Variants in SLIT3 observed in about 807,000 individuals in gnomAD.
The protein encoded by SLIT3 is slit guidance ligand 3.
A neutral mutation model predicts 184.0 loss-of-function variants in SLIT3; 68 were observed. The observed-to-expected ratio is 0.37, with a 90% CI of 0.30 to 0.45. SLIT3 has a LOEUF of 0.45. Ranked by LOEUF, SLIT3 falls within the 20% of genes least tolerant of loss-of-function variation. The pLI is 1.00. For missense variants in SLIT3, 1,707 were observed against 2,026.0 expected (o/e 0.84, Z 3.02); for synonymous variants, 831 against 828.6 (o/e 1.00, Z -0.05).
intron 1 of SLIT3, among the ~76,000 whole-genome samples, chr5:169,298,394 T>C (rs1243919696): frequency 6.6e-6 from 1 of 152,140 alleles, no homozygotes; most frequent in African/African-American, 2.4e-5. Context: ...GGAAGATGAC[T>C]CGGTGGCATG....
At position 168,764,541 on chromosome 5, in the gene SLIT3, T is replaced by C. The variant is rs529252531; in HGVS notation, c.1460-1852A>G. Among the ~76,000 whole-genome samples the C allele has an allele frequency of 9.8e-4, 150 of 152,300 alleles. 1 individual carries two copies. The highest frequency in any genetic ancestry group is 6.9e-3 in the Admixed American group (106 of 15,302). Reference sequence around the variant, plus strand: ...GATTGAATGGGGTATTTTTCCATAGTGGGCTATGGTGGTGAAGGACGCAGA... The same window carrying C: ...GATTGAATGGGGTATTTTTCCATAGCGGGCTATGGTGGTGAAGGACGCAGA... On this transcript the variant is annotated intron_variant, in intron 14 of 35. Coordinates refer to ENST00000519560, the MANE Select transcript of SLIT3 (RefSeq NM_003062.4).
At chr5:168,907,967 T>TAG (rs1376618472) in intron 4 of SLIT3, among the ~76,000 whole-genome samples, 881 of 79,998 alleles carry the variant, frequency 0.011, 6 homozygotes, top group Non-Finnish European at 0.013. Context: ...TATATATATA[T>TAG]ATATATATAT....
intron 4 of SLIT3, among the ~76,000 whole-genome samples, chr5:169,108,746 C>T (rs796066629): frequency 9.8e-5 from 15 of 152,292 alleles, no homozygotes; most frequent in African/African-American, 3.4e-4. Flanking sequence ...CCACCTCCCC[C>T]TCATTGCACA....
Position 168,722,926 on chromosome 5 carries a change from T to A in SLIT3, c.2411+7A>T. On this transcript the variant is annotated splice_region_variant and intron_variant, in intron 22 of 35. Coordinates refer to ENST00000519560, the MANE Select transcript of SLIT3 (RefSeq NM_003062.4). ...GCATGGTAAACACAGCATCTCAGTGTACTCACAGAGTGGAGAGGTGAGACA... is the reference window on the plus strand; with the variant it reads ...GCATGGTAAACACAGCATCTCAGTGAACTCACAGAGTGGAGAGGTGAGACA... 1 of 1,605,176 alleles carries A rather than the reference T, an allele frequency of 6.2e-7. No individual in the cohort carries two copies. The highest frequency in any genetic ancestry group is 8.5e-7 in the Non-Finnish European group (1 of 1,171,740).
intron 3 of SLIT3, among the ~76,000 whole-genome samples, chr5:169,230,079 A>C (rs1455220023): frequency 6.6e-6 from 1 of 152,188 alleles, no homozygotes; most frequent in Non-Finnish European, 1.5e-5. Flanking sequence ...CTCAGTATAC[A>C]TGGCCCTACA....
intron 1 of SLIT3, among the ~76,000 whole-genome samples, chr5:169,275,754 C>G (rs184910097): frequency 9.9e-4 from 151 of 152,252 alleles, no homozygotes; most frequent in Non-Finnish European, 2.0e-3. Flanking sequence ...TCAATTACCT[C>G]CACCTGGGTC....
intron 4 of SLIT3, among the ~76,000 whole-genome samples, chr5:169,151,260 AGCCC>A (rs1355066217): frequency 1.3e-5 from 2 of 152,170 alleles, no homozygotes; most frequent in African/African-American, 4.8e-5. Context: ...CATCATTTGC[AGCCC>A]ATTGCCGCCT....
chr5:168,886,514 A>G (rs1168640978), intron 4 of SLIT3, among the ~76,000 whole-genome samples: 1 of 152,180 alleles, frequency 6.6e-6, no homozygotes, highest in African/African-American at 2.4e-5. Context: ...GATGCCCAAG[A>G]GCCTAGCGCT....
intron 23 of SLIT3, among the ~76,000 whole-genome samples, chr5:168,718,643 T>C (rs890288496): frequency 3.3e-5 from 5 of 150,670 alleles, no homozygotes; most frequent in African/African-American, 1.2e-4. Flanking sequence ...CACCCTCCTG[T>C]TGTGCTCTCC....
chr5:169,078,100 A>G (rs1758817455), intron 4 of SLIT3, among the ~76,000 whole-genome samples: 1 of 151,976 alleles, frequency 6.6e-6, no homozygotes, highest in South Asian at 2.1e-4. Flanking sequence ...ATTTTGCTTC[A>G]CCCACAGGGA....
At chr5:168,911,320 C>T (rs143831425) in intron 4 of SLIT3, among the ~76,000 whole-genome samples, 1,922 of 152,254 alleles carry the variant, frequency 0.013, 18 homozygotes, top group Admixed American at 0.018. Context: ...TCACCCCACC[C>T]CACCCGACCT....
At chr5:168,893,009 A>T (rs1384510635) in intron 4 of SLIT3, among the ~76,000 whole-genome samples, 1 of 152,230 alleles carries the variant, frequency 6.6e-6, no homozygotes, top group Non-Finnish European at 1.5e-5. Context: ...CAGGCGTCTG[A>T]TTCCACAGTC....
rs542439022 is a variant in SLIT3, at chr5:168,747,495, T to C, written c.2270+807A>G. 1.2e-4 allele frequency among the ~76,000 whole-genome samples: 18 copies of C among 152,048 alleles called. 1 individual carries two copies. In the South Asian group the frequency reaches 3.7e-3, roughly 32 times the overall value. On this transcript the variant is annotated intron_variant, in intron 20 of 35. Coordinates refer to ENST00000519560, the MANE Select transcript of SLIT3 (RefSeq NM_003062.4). The stretch of plus-strand genomic sequence containing the variant: ...GAGTGGATGGATGCGAGTGTGCACA[T>C]GGTGTGTGTTGGTTGTGTGAGTGTG...
chr5:168,924,118 G>A (rs752669323), intron 4 of SLIT3, among the ~76,000 whole-genome samples: 3 of 152,208 alleles, frequency 2.0e-5, no homozygotes, highest in African/African-American at 4.8e-5. Context: ...GATCTGACCC[G>A]TCTGCTTCTC....
At chr5:169,228,427 C>T (rs1171590004) in intron 3 of SLIT3, among the ~76,000 whole-genome samples, 7 of 152,138 alleles carry the variant, frequency 4.6e-5, no homozygotes, top group Non-Finnish European at 8.8e-5. Context: ...CAAGGAGTGA[C>T]GACTGCCCGG....
At chr5:168,969,373 G>T (rs1001045257) in intron 4 of SLIT3, among the ~76,000 whole-genome samples, 1 of 152,224 alleles carries the variant, frequency 6.6e-6, no homozygotes, top group African/African-American at 2.4e-5. Flanking sequence ...TGTACTTTGA[G>T]CTGCCTACTG....
chr5:168,726,337 G>A (rs1763106428), intron 20 of SLIT3, among the ~76,000 whole-genome samples: 2 of 128,426 alleles, frequency 1.6e-5, no homozygotes, highest in Non-Finnish European at 3.2e-5. Context: ...TCAAATATAG[G>A]TGGAGAGGGA....
chr5:168,834,908 C>T (rs577980327), intron 6 of SLIT3, among the ~76,000 whole-genome samples: 1 of 151,964 alleles, frequency 6.6e-6, no homozygotes, highest in Non-Finnish European at 1.5e-5. Flanking sequence ...GGGTACCCAC[C>T]CACACTTCGC....
intron 26 of SLIT3, 89 bp from the exon 27 acceptor site, chr5:168,700,768 T>G: frequency 2.0e-5 from 19 of 932,990 alleles, no homozygotes; most frequent in Non-Finnish European, 3.3e-5. Flanking sequence ...CAGCATTCTC[T>G]GTGATGAGGC....
Sources: allele counts gnomAD v4.1 joint callset (sites outside exome capture counted in the v4.1 genomes callset), GRCh38; gene constraint gnomAD v4.1.1; transcripts MANE v1.5; gene names NCBI Gene and HGNC (gene_info 2026-07-23, HGNC 2026-07-21).